Variants in LZTR1 observed in about 807,000 individuals in gnomAD.
LZTR1 encodes leucine-zipper-like transcriptional regulator 1.
A neutral mutation model predicts 105.7 loss-of-function variants in LZTR1; 260 were observed. That is an observed-to-expected ratio of 2.46 (90% CI 2.22 to 2.72). The LOEUF (loss-of-function observed/expected upper bound fraction) is 2.72, where lower values mean the gene tolerates loss of function less well. Ranked by LOEUF, LZTR1 falls within the 30% of genes most tolerant of loss-of-function variation. LZTR1 has a pLI of 0.00. For missense variants in LZTR1, 1,214 were observed against 1,166.9 expected (o/e 1.04, Z -0.59); for synonymous variants, 490 against 476.4 (o/e 1.03, Z -0.37).
chr22:20,995,474 T>C lies in LZTR1; in HGVS notation c.1943-272T>C, dbSNP rs190518516. On this transcript the variant is annotated intron_variant, in intron 16 of 20. Coordinates refer to ENST00000646124, the MANE Select transcript of LZTR1 (RefSeq NM_006767.4). ...GCCATGCAGTGGGCCTGGAGGGGGC[T>C]TGATCATGAGGTCAGCGAGGGGGTA... 550 of 653,294 alleles carry C rather than the reference T, an allele frequency of 8.4e-4. 2 individuals carry two copies. In the African/African-American group the frequency reaches 9.0e-3, roughly 11 times the overall value. 40.5% of individuals were successfully genotyped at this position (653,294 alleles called of 1,614,324 possible). A position where few individuals can be genotyped will look rare whatever the true frequency, so the allele number is the denominator to read the frequency against.
chr22:20,992,093 C>T, intron 9 of LZTR1, 121 bp from the exon 10 acceptor site: 1 of 1,019,702 alleles, frequency 9.8e-7, no homozygotes. Flanking sequence ...CTGGGAAGCC[C>T]ACGGCCATGC....
At chr22:20,985,811 A>T (rs1293884377) in intron 2 of LZTR1, 30 bp from the exon 3 acceptor site, 1 of 1,612,608 alleles carries the variant, frequency 6.2e-7, no homozygotes, top group Non-Finnish European at 8.5e-7. Flanking sequence ...GACCTGGCTA[A>T]TGCCACCCTC....
intron 5 of LZTR1, among the ~76,000 whole-genome samples, 180 bp from the exon 6 acceptor site, chr22:20,988,609 A>G (rs528507797): frequency 6.6e-6 from 1 of 152,270 alleles, no homozygotes; most frequent in East Asian, 1.9e-4. Flanking sequence ...TCTTCAAGCC[A>G]CTAGTCGGCC....
intron 10 of LZTR1, 123 bp downstream of exon 10, chr22:20,992,492 G>C (rs1020519693): frequency 6.9e-6 from 8 of 1,166,424 alleles, no homozygotes; most frequent in East Asian, 2.6e-5. Flanking sequence ...CACCACAAAG[G>C]GGGTACAGGG....
At chr22:20,990,692 G>T in intron 8 of LZTR1, 167 bp downstream of exon 8, 1 of 696,904 alleles carries the variant, frequency 1.4e-6, no homozygotes, top group Non-Finnish European at 2.4e-6. Context: ...GCCCCTGGCA[G>T]GTCCCCAGGA....
At chr22:20,984,264 G>A (rs1453823196) in intron 2 of LZTR1, among the ~76,000 whole-genome samples, 1 of 152,150 alleles carries the variant, frequency 6.6e-6, no homozygotes, top group African/African-American at 2.4e-5. Flanking sequence ...TTTTACCATT[G>A]TATCCTGGCA....
chr22:20,983,972 C>T (rs1417074374), intron 2 of LZTR1, among the ~76,000 whole-genome samples: 2 of 152,212 alleles, frequency 1.3e-5, no homozygotes, highest in Admixed American at 1.3e-4. Context: ...TCTGCTGCTC[C>T]TCTGCCCTCA....
At position 20,997,762 on chromosome 22, in the gene LZTR1, G is replaced by A. The variant is rs549089514; in HGVS notation, c.*414G>A. Reference sequence around the variant, plus strand: ...ACCAAGGCTCCTCCAACATGCGGGAGGAGGCTTAGCAGACTTGCGCTGCAC... The same window carrying A: ...ACCAAGGCTCCTCCAACATGCGGGAAGAGGCTTAGCAGACTTGCGCTGCAC... On this transcript the variant is annotated 3_prime_UTR_variant, in exon 21 of 21. Transcript: ENST00000646124. 121 of 181,174 alleles carry A rather than the reference G, an allele frequency of 6.7e-4. 1 individual carries two copies. The highest frequency in any genetic ancestry group is 2.2e-4 in the Non-Finnish European group (19 of 84,680). 11.2% of individuals were successfully genotyped at this position (181,174 alleles called of 1,614,324 possible). A position where few individuals can be genotyped will look rare whatever the true frequency, so the allele number is the denominator to read the frequency against.
chr22:20,994,132 C>A lies in LZTR1; in HGVS notation c.1478C>A (p.Pro493His), dbSNP rs2147967251. 6.3e-7 allele frequency: 1 copy of A among 1,588,404 alleles called. No homozygotes were observed. The highest frequency in any genetic ancestry group is 8.6e-7 in the Non-Finnish European group (1 of 1,166,308). Residue 493 changes from proline to histidine, a missense_variant, in exon 14 of 21, where the codon CCC becomes CAC. Transcript: ENST00000646124. ...CTGGAGCAGGAGGCCGCCCCAGTTC[C>A]CAGGGAGGCCCCCGGCGTGGCTGCT... ...QKLEQEAAPV[P>H]REAPGVAAGG...
chr22:20,996,112 T>A lies in LZTR1; in HGVS notation c.2219T>A (p.Leu740His). 6.2e-7 allele frequency: 1 copy of A among 1,611,802 alleles called. No individual in the cohort carries two copies. The highest frequency in any genetic ancestry group is 1.3e-5 in the African/African-American group (1 of 75,016). The change falls in exon 18 of 21, where the codon CTC becomes CAC. Residue 740 changes from leucine to histidine, a missense_variant and splice_region_variant. Physicochemically the swap from Leu to His is moderately conservative, Grantham distance 99 (BLOSUM62 -3). Coordinates refer to ENST00000646124, the MANE Select transcript of LZTR1 (RefSeq NM_006767.4). ...GEVNMPPEDS[L>H]YLFAAPYYYG... ...GTCAACATGCCGCCCGAGGACTCGCTGCATCCTCACTCCCCAGTGAACTCC... is the reference window on the plus strand; with the variant it reads ...GTCAACATGCCGCCCGAGGACTCGCAGCATCCTCACTCCCCAGTGAACTCC...
rs1450044732 is a variant in LZTR1 at position 20,989,683 on chromosome 22, G to A, written c.651+1G>A. The A allele has an allele frequency of 7.5e-6, 12 of 1,596,946 alleles. No individual in the cohort carries two copies. Among genetic ancestry groups the A allele is most frequent in the Admixed American group, 1.7e-5 (1 of 58,892 alleles). On this transcript the variant is annotated splice_donor_variant, in intron 7 of 20. Transcript: ENST00000646124. LOFTEE classifies it high-confidence loss of function. Reference sequence around the variant, plus strand: ...CCGAGAGCTCACCTGCTGGGAGGAGGTGAGGGGCGTGGGGAGCCAGGGCGC... The same window carrying A: ...CCGAGAGCTCACCTGCTGGGAGGAGATGAGGGGCGTGGGGAGCCAGGGCGC...
chr22:20,994,560 C>T lies in LZTR1; in HGVS notation c.1618C>T (p.His540Tyr). The T allele has an allele frequency of 6.2e-7, 1 of 1,609,452 alleles. No homozygotes were observed. Among genetic ancestry groups the T allele is most frequent in the Non-Finnish European group, 8.5e-7 (1 of 1,179,732 alleles). Residue 540 changes from histidine to tyrosine, a missense_variant and splice_region_variant, in exon 15 of 21, where the codon CAT becomes TAT. Coordinates refer to ENST00000646124, the MANE Select transcript of LZTR1 (RefSeq NM_006767.4). The stretch of plus-strand genomic sequence containing the variant: ...GATTCGGGGGCTCTGGGGCGCAGGC[C>T]ATGTGGAGGATGTGCTGCTCATCAT... ...TDKIKYPRKG[H>Y]VEDVLLIMDV...
At chr22:20,993,017 T>G (rs1391983068) in intron 11 of LZTR1, 113 bp downstream of exon 11, 1 of 727,524 alleles carries the variant, frequency 1.4e-6, no homozygotes, top group African/African-American at 1.8e-5. Flanking sequence ...GGGCCACACC[T>G]GGCAGGATGG....
chr22:20,988,320 ATGGACCAGGCGTGGTGGCGCATGCC>A (rs1924475058), intron 5 of LZTR1, among the ~76,000 whole-genome samples: 1 of 152,152 alleles, frequency 6.6e-6, no homozygotes, highest in South Asian at 2.1e-4. Flanking sequence ...AGAGACCCAA[ATGGACCAGGCGTGGTGGCGCATGCC>A]TGTAGTCCTA....
At chr22:20,986,487 T>G (rs1018941885) in intron 3 of LZTR1, 1 of 152,388 alleles carries the variant, frequency 6.6e-6, no homozygotes, top group East Asian at 1.9e-4. Context: ...ATTAGACAGA[T>G]AGATGACAGA....
Position 20,997,495 on chromosome 22 carries a change from GAGGGGATGTGGGGCCCC to G in LZTR1, c.*149_*165del. ...GTGCCCAGAGCCTCCAAAGAGAGCTGAGGGGATGTGGGGCCCCAAACTCATTAATTCACTGAAGACAC... is the reference window on the plus strand; with the variant it reads ...GTGCCCAGAGCCTCCAAAGAGAGCTGAAACTCATTAATTCACTGAAGACAC... On this transcript the variant is annotated 3_prime_UTR_variant, in exon 21 of 21. Transcript: ENST00000646124. 1.5e-6 allele frequency: 1 copy of G among 648,220 alleles called. No homozygotes were observed. The highest frequency in any genetic ancestry group is 1.8e-5 in the South Asian group (1 of 54,744). 40.2% of individuals were successfully genotyped at this position (648,220 alleles called of 1,614,324 possible).
intron 3 of LZTR1, chr22:20,986,119 C>A: frequency 1.7e-6 from 1 of 586,784 alleles, no homozygotes; most frequent in Non-Finnish European, 3.0e-6. Flanking sequence ...GCTGGGCACA[C>A]AGGGCGGCAC....
At chr22:20,987,646 C>T in intron 4 of LZTR1, 63 bp downstream of exon 4, 3 of 1,432,386 alleles carry the variant, frequency 2.1e-6, no homozygotes, top group African/African-American at 1.4e-5. Context: ...CCCTGCCCTT[C>T]TGCAGGCCTG....
chr22:20,995,922 G>T (rs374271940), intron 17 of LZTR1, 41 bp from the exon 18 acceptor site: 1 of 1,613,190 alleles, frequency 6.2e-7, no homozygotes, highest in Non-Finnish European at 8.5e-7. Flanking sequence ...TGGTGTCTTC[G>T]TTCTGCTGAC....
Sources: gnomAD v4.1 joint callset for allele counts (sites outside exome capture counted in the v4.1 genomes callset) on GRCh38, gnomAD v4.1.1 for gene constraint, MANE v1.5 for transcripts, NCBI Gene and HGNC (gene_info 2026-07-23, HGNC 2026-07-21) for gene names.